SPTBN5: variants seen among roughly 807,000 people sequenced by gnomAD.
SPTBN5 encodes spectrin beta, non-erythrocytic 5, also known as spectrin beta chain, non-erythrocytic 5.
In SPTBN5, 513 loss-of-function variants were observed where a neutral mutation model predicts 477.6. That is an observed-to-expected ratio of 1.07 (90% CI 1.00 to 1.16). The LOEUF (loss-of-function observed/expected upper bound fraction) is 1.16, where lower values mean the gene tolerates loss of function less well. SPTBN5 is among the 50% of genes most tolerant of loss of function. The pLI is 0.00. For synonymous variants in SPTBN5, 2,169 were observed against 2,011.7 expected, an observed-to-expected ratio of 1.08 and a Z score of -2.09; for missense variants, 5,062 against 4,731.8, an observed-to-expected ratio of 1.07 and a Z score of -2.05.
At chr15:41,885,391 G>C (rs985767948) in intron 7 of SPTBN5, among the ~76,000 whole-genome samples, 2 of 152,124 alleles carry the variant, frequency 1.3e-5, no homozygotes, top group African/African-American at 4.8e-5. Context: ...GTTTTCCTTA[G>C]TAGTGTGTAA....
In SPTBN5 at chr15:41,856,839, G is replaced by A. The variant is rs566472919; in HGVS notation, c.8808+14C>T. ...CTCATGTGCGAGGCCAGCCCTCCCCGGGTGGGCCCACACCTGGTGCTGCTC... is the reference window on the plus strand; with the variant it reads ...CTCATGTGCGAGGCCAGCCCTCCCCAGGTGGGCCCACACCTGGTGCTGCTC... On this transcript the variant is annotated intron_variant, in intron 52 of 67. Transcript: ENST00000320955. 9 of 1,536,274 alleles carry A rather than the reference G, an allele frequency of 5.9e-6. No homozygotes were observed. The East Asian group carries it at 1.2e-4, about 21-fold the overall frequency.
chr15:41,889,357 G>C (rs751944870), intron 4 of SPTBN5, among the ~76,000 whole-genome samples: 1 of 152,140 alleles, frequency 6.6e-6, no homozygotes, highest in Non-Finnish European at 1.5e-5. Flanking sequence ...TTACCTACTA[G>C]AATTGAGTTT....
chr15:41,878,240 G>T, intron 17 of SPTBN5, 102 bp downstream of exon 17: 1 of 1,403,282 alleles, frequency 7.1e-7, no homozygotes, highest in Non-Finnish European at 9.6e-7. Context: ...CCCTCCCTGG[G>T]GAAATCACAC....
rs368895723 is a variant in SPTBN5 at position 41,868,260 on chromosome 15, T to C, written c.6058-42A>G. On this transcript the variant is annotated intron_variant, in intron 33 of 67. Coordinates refer to ENST00000320955, the MANE Select transcript of SPTBN5 (RefSeq NM_016642.4). ...GAGGAGCCTCAGCTGGGGAGGGTGG[T>C]GTGGGTGAGGTGAGGACTGGATCCT... is the stretch of plus-strand genomic sequence containing the variant. 26 of 1,573,240 alleles carry C rather than the reference T, an allele frequency of 1.7e-5. No individual in the cohort carries two copies. The African/African-American group carries it at 3.2e-4, about 20-fold the overall frequency.
At chr15:41,872,606 AC>A in intron 26 of SPTBN5, 147 bp from the exon 27 acceptor site, 3 of 822,024 alleles carry the variant, frequency 3.6e-6, no homozygotes, top group Non-Finnish European at 5.6e-6. Context: ...TCATCCACCC[AC>A]CCAGCATCCA....
intron 57 of SPTBN5, 127 bp downstream of exon 57, chr15:41,853,923 G>A (rs1211783409): frequency 6.3e-6 from 9 of 1,436,062 alleles, no homozygotes; most frequent in African/African-American, 4.3e-5. Flanking sequence ...AGGGCCCCTC[G>A]GGGAAGGATC....
At chr15:41,854,277 C>A (rs2065867061) in intron 56 of SPTBN5, 72 bp from the exon 57 acceptor site, 1 of 1,512,372 alleles carries the variant, frequency 6.6e-7, no homozygotes, top group Non-Finnish European at 8.9e-7. Flanking sequence ...GGAGACATGG[C>A]CTTCTGGGCC....
Position 41,858,407 on chromosome 15 carries a change from G to T in SPTBN5, c.8226+195C>A, listed in dbSNP as rs146209771. On this transcript the variant is annotated intron_variant, in intron 49 of 67. Coordinates refer to ENST00000320955, the MANE Select transcript of SPTBN5 (RefSeq NM_016642.4). Reference sequence around the variant, plus strand: ...AAAAGCTGCCATTTTTGGAGAGGGTGCCCCCCCTGCCCGCCGGAAAGCAAC... The same window carrying T: ...AAAAGCTGCCATTTTTGGAGAGGGTTCCCCCCCTGCCCGCCGGAAAGCAAC... 2.8e-3 allele frequency among the ~76,000 whole-genome samples: 428 copies of T among 152,284 alleles called. 2 individuals carry two copies. The highest frequency in any genetic ancestry group is 9.7e-3 in the African/African-American group (402 of 41,554).
At chr15:41,871,956 C>G (rs1443964666) in intron 27 of SPTBN5, 39 bp from the exon 28 acceptor site, 1 of 1,493,684 alleles carries the variant, frequency 6.7e-7, no homozygotes. Context: ...AGTGAGTTGC[C>G]CACCCCCCTG....
At chr15:41,867,213 GC>G in intron 35 of SPTBN5, 87 bp from the exon 36 acceptor site, 7 of 1,396,086 alleles carry the variant, frequency 5.0e-6, no homozygotes, top group African/African-American at 1.4e-5. Context: ...TTCTTTGAGG[GC>G]CCCGGAGCCC....
Position 41,857,201 on chromosome 15 carries a change from G to A in SPTBN5, c.8621+37C>T, listed in dbSNP as rs779287780. ...GCAGGGGTGGGGGTCCCTCCAGGAA[G>A]GCAGGGAAGAGAAGCTGAGGGCACG... On this transcript the variant is annotated intron_variant, in intron 51 of 67. Coordinates refer to ENST00000320955, the MANE Select transcript of SPTBN5 (RefSeq NM_016642.4). 42 of 1,562,196 alleles carry A rather than the reference G, an allele frequency of 2.7e-5. No individual in the cohort carries two copies. The East Asian group carries it at 9.2e-4, about 34-fold the overall frequency.
Position 41,848,428 on chromosome 15 carries a change from C to CTGTT in SPTBN5, c.*184_*187dup, listed in dbSNP as rs1446880281. On this transcript the variant is annotated 3_prime_UTR_variant, in exon 68 of 68. Coordinates refer to ENST00000320955, the MANE Select transcript of SPTBN5 (RefSeq NM_016642.4). ...AATGCAGGGGGAGGCCAGGCAATGGCTGTTTCCTGCCACATGGTAGGACCC... is the reference window on the plus strand; with the variant it reads ...AATGCAGGGGGAGGCCAGGCAATGGCTGTTTGTTTCCTGCCACATGGTAGGACCC... The CTGTT allele has an allele frequency of 1.5e-6, 1 of 677,040 alleles. No individual in the cohort carries two copies. 41.9% of individuals were successfully genotyped at this position (677,040 alleles called of 1,614,324 possible). A position where few individuals can be genotyped will look rare whatever the true frequency, so the allele number is the denominator to read the frequency against.
In SPTBN5 at chr15:41,852,926, G is replaced by A. The variant is rs756025211; in HGVS notation, c.10245C>T (p.Arg3415=). The change falls in exon 60 of 68, where the codon CGC becomes CGT. Residue 3415 remains arginine (R), a synonymous_variant. Transcript: ENST00000320955. ...TCTGCAGGCCCCAGCTCTCGGCACA[G>A]CGTTGCCAGCGCAGGGCCCAAGCCT... is the stretch of plus-strand genomic sequence containing the variant. The part of the protein sequence containing the change: ...LEEAWALRWQ[R]CAESWGLQKL... 5.0e-6 allele frequency: 8 copies of A among 1,590,476 alleles called. No individual in the cohort carries two copies. Among genetic ancestry groups the A allele is most frequent in the South Asian group, 1.1e-5 (1 of 89,198 alleles).
chr15:41,889,978 T>G, intron 4 of SPTBN5, 111 bp downstream of exon 4: 1 of 685,610 alleles, frequency 1.5e-6, no homozygotes, highest in Non-Finnish European at 2.6e-6. Flanking sequence ...TTCCAGGATC[T>G]CCTATGGGGA....
At chr15:41,879,154 T>C in intron 16 of SPTBN5, 106 bp downstream of exon 16, 2 of 1,379,726 alleles carry the variant, frequency 1.4e-6, no homozygotes, top group East Asian at 4.9e-5. Context: ...CCCTCCTACC[T>C]GTTGTCTCCC....
At chr15:41,877,386 C>A (rs750278272) in intron 17 of SPTBN5, 30 bp from the exon 18 acceptor site, 1 of 1,593,488 alleles carries the variant, frequency 6.3e-7, no homozygotes, top group Non-Finnish European at 8.6e-7. Context: ...GAGAGTCAAA[C>A]CCCAGCAGGC....
Position 41,857,477 on chromosome 15 carries a change from C to G in SPTBN5, c.8382G>C (p.Arg2794=), listed in dbSNP as rs770359057. The change falls in exon 51 of 68, where the codon CGG becomes CGC. Residue 2794 remains arginine (R), a synonymous_variant. Transcript: ENST00000320955. The stretch of plus-strand genomic sequence containing the variant: ...GCCAGTTCTCCAGTTCCTCCATGCT[C>G]CGCCGCAGACGCAGGGCCTAGGGTA... ...QKACEALRLR[R]SMEELENWLE... is the part of the protein sequence containing the mutation. The G allele has an allele frequency of 5.6e-6, 9 of 1,608,198 alleles. No homozygotes were observed. Among genetic ancestry groups the G allele is most frequent in the Non-Finnish European group, 7.6e-6 (9 of 1,176,516 alleles).
intron 5 of SPTBN5, 50 bp from the exon 6 acceptor site, chr15:41,887,491 C>G (rs1355161090): frequency 7.2e-7 from 1 of 1,390,430 alleles, no homozygotes; most frequent in Non-Finnish European, 9.9e-7. Flanking sequence ...CTACTGCTTT[C>G]CTTTAAGTAG....
At position 41,893,332 on chromosome 15, in the gene SPTBN5, G is replaced by T. The variant is rs2067373028; in HGVS notation, c.166C>A (p.Gln56Lys). 2.5e-6 allele frequency: 4 copies of T among 1,614,038 alleles called. No individual in the cohort carries two copies. In the African/African-American group the frequency reaches 4.0e-5, roughly 16 times the overall value. Reference protein sequence around the residue: ...RKLQARHMQMQEKTFTKWINN... With the variant: ...RKLQARHMQMKEKTFTKWINN... ...ATCCACTTGGTGAAAGTCTTCTCCTGCATCTGCATGTGCCGGGCCTGTAGC... is the reference window on the plus strand; with the variant it reads ...ATCCACTTGGTGAAAGTCTTCTCCTTCATCTGCATGTGCCGGGCCTGTAGC... The change falls in exon 2 of 68, where the codon CAG (glutamine) becomes AAG (lysine). Residue 56 changes from glutamine to lysine, a missense_variant. Physicochemically the swap from Gln to Lys is moderately conservative, Grantham distance 53. Transcript: ENST00000320955.
Sources: allele counts gnomAD v4.1 joint callset (sites outside exome capture counted in the v4.1 genomes callset), GRCh38; gene constraint gnomAD v4.1.1; transcripts MANE v1.5; gene names NCBI Gene and HGNC (gene_info 2026-07-23, HGNC 2026-07-21).